The following FGF9 variants were observed in gnomAD, a reference collection of about 807,000 sequenced individuals.
The protein encoded by FGF9 is fibroblast growth factor 9 (glia-activating factor).
In FGF9, 3 loss-of-function variants were observed where a neutral mutation model predicts 19.9. The observed-to-expected ratio is 0.15, with a 90% CI of 0.07 to 0.39. FGF9 has a LOEUF of 0.39. FGF9 is among the 10% of genes least tolerant of loss of function. FGF9 has a pLI of 1.00. For missense variants in FGF9, 175 were observed against 256.8 expected (o/e 0.68, Z 2.18); for synonymous variants, 107 against 106.9 (o/e 1.00, Z -0.01).
intron 1 of FGF9, among the ~76,000 whole-genome samples, chr13:21,677,628 C>T (rs915611978): frequency 2.0e-5 from 3 of 152,226 alleles, no homozygotes; most frequent in Admixed American, 6.5e-5. Context: ...GATCCTGTTG[C>T]GGGGTTGCTA....
intron 2 of FGF9, among the ~76,000 whole-genome samples, chr13:21,684,219 T>C (rs1362985349): frequency 4.6e-5 from 7 of 152,242 alleles, no homozygotes; most frequent in Non-Finnish European, 1.5e-5. Flanking sequence ...TGTTTTCCTT[T>C]GGGCCCTAGG....
At chr13:21,699,764 A>G (rs1198697285) in intron 2 of FGF9, among the ~76,000 whole-genome samples, 3 of 152,216 alleles carry the variant, frequency 2.0e-5, no homozygotes, top group African/African-American at 7.2e-5. Context: ...AATGACAGAA[A>G]CGAATGTCCT....
At position 21,702,308 on chromosome 13, in the gene FGF9, A is replaced by T. The variant is rs1044968716; in HGVS notation, c.*873A>T. On this transcript the variant is annotated 3_prime_UTR_variant, in exon 3 of 3. Coordinates refer to ENST00000382353, the MANE Select transcript of FGF9 (RefSeq NM_002010.3). Reference sequence around the variant, plus strand: ...TGTAAACTTATGCACATCGCTCATGACACTGAGTATTCACTCTTCAGACTG... The same window carrying T: ...TGTAAACTTATGCACATCGCTCATGTCACTGAGTATTCACTCTTCAGACTG... 2 of 152,220 alleles carry T rather than the reference A, an allele frequency of 1.3e-5. No individual in the cohort carries two copies. The highest frequency in any genetic ancestry group is 4.8e-5 in the African/African-American group (2 of 41,464). The allele number at this position is 152,220 out of a possible 1,614,324, so 9.4% of individuals were successfully genotyped here.
intron 2 of FGF9, among the ~76,000 whole-genome samples, chr13:21,699,164 G>T (rs972144610): frequency 6.6e-6 from 1 of 152,190 alleles, no homozygotes; most frequent in African/African-American, 2.4e-5. Flanking sequence ...GCAGAGGAGG[G>T]TGCAGGAGTG....
In FGF9 at chr13:21,672,438, G is replaced by A. The variant is rs1233898855; in HGVS notation, c.277+249G>A. Reference sequence around the variant, plus strand: ...CCCCCTACTTTTAATTTAAAGGGGGGCATAATTTATAAATATAATACAAGT... The same window carrying A: ...CCCCCTACTTTTAATTTAAAGGGGGACATAATTTATAAATATAATACAAGT... On this transcript the variant is annotated intron_variant, in intron 1 of 2. Coordinates refer to ENST00000382353, the MANE Select transcript of FGF9 (RefSeq NM_002010.3). This position sits in a 1 kb window ranked among gnomAD's most constrained non-coding sequence, Gnocchi z 4.2. 6.6e-6 allele frequency among the ~76,000 whole-genome samples: 1 copy of A among 152,152 alleles called. No individual in the cohort carries two copies. Among genetic ancestry groups the A allele is most frequent in the Admixed American group, 6.6e-5 (1 of 15,264 alleles).
At chr13:21,699,823 A>T (rs375828429) in intron 2 of FGF9, among the ~76,000 whole-genome samples, 5 of 152,316 alleles carry the variant, frequency 3.3e-5, no homozygotes, top group Admixed American at 1.3e-4. Flanking sequence ...CAGGTAGGTA[A>T]GAGAAAAGAA....
rs1432535706 is a variant in FGF9, at chr13:21,671,872, CATT to C, written c.-37_-35del. The C allele has an allele frequency of 6.2e-6, 10 of 1,612,656 alleles. No individual in the cohort carries two copies. The highest frequency in any genetic ancestry group is 8.5e-6 in the Non-Finnish European group (10 of 1,178,956). ...CTAATATCTCCTGGGTTGACACCAT[CATT>C]ATTGTTTATTCTTGTGCTCCAAAAG... On this transcript the variant is annotated 5_prime_UTR_variant, in exon 1 of 3. Transcript: ENST00000382353.
chr13:21,689,664 C>T (rs1171145908), intron 2 of FGF9, among the ~76,000 whole-genome samples: 3 of 152,212 alleles, frequency 2.0e-5, no homozygotes, highest in Non-Finnish European at 4.4e-5. Flanking sequence ...TGCATTATGA[C>T]AGCAATTCCT....
intron 1 of FGF9, among the ~76,000 whole-genome samples, chr13:21,679,956 CAAA>C (rs551705351): frequency 8.8e-5 from 5 of 56,730 alleles, no homozygotes; most frequent in African/African-American, 6.2e-5. Flanking sequence ...GACTCCATCT[CAAA>C]AAAAAAAAAA....
chr13:21,687,229 T>C (rs1872182666), intron 2 of FGF9, among the ~76,000 whole-genome samples: 1 of 152,150 alleles, frequency 6.6e-6, no homozygotes, highest in South Asian at 2.1e-4. Context: ...TGCATGGTGT[T>C]CCATATTGTG....
chr13:21,698,627 T>A (rs966216961), intron 2 of FGF9, among the ~76,000 whole-genome samples: 2 of 152,152 alleles, frequency 1.3e-5, no homozygotes, highest in Non-Finnish European at 2.9e-5. Flanking sequence ...CTGCTGGGAC[T>A]TTTGTGTATC....
intron 1 of FGF9, among the ~76,000 whole-genome samples, chr13:21,679,409 A>C (rs1257587663): frequency 6.6e-6 from 1 of 152,202 alleles, no homozygotes; most frequent in Admixed American, 6.5e-5. Flanking sequence ...AGAGTTGCAG[A>C]ATTAATTGTT....
chr13:21,682,104 G>T (rs1447630598), intron 2 of FGF9, among the ~76,000 whole-genome samples: 2 of 151,630 alleles, frequency 1.3e-5, no homozygotes, highest in African/African-American at 4.8e-5. Context: ...GAACTCATGG[G>T]CTCAGAAGAT....
At position 21,672,655 on chromosome 13, in the gene FGF9, G is replaced by A. The variant is rs1565947453; in HGVS notation, c.277+466G>A. Among the ~76,000 whole-genome samples the A allele has an allele frequency of 6.6e-6, 1 of 152,054 alleles. No homozygotes were observed. Among genetic ancestry groups the A allele is most frequent in the Non-Finnish European group, 1.5e-5 (1 of 68,022 alleles). On this transcript the variant is annotated intron_variant, in intron 1 of 2. Coordinates refer to ENST00000382353, the MANE Select transcript of FGF9 (RefSeq NM_002010.3). The surrounding 1 kb of genome is among the most constrained non-coding windows in gnomAD (Gnocchi z 4.2). ...CTCTAGTAAGTATACTACTTGAATTGTATATTAAGTGCATTGTTTATTCTC... is the reference window on the plus strand; with the variant it reads ...CTCTAGTAAGTATACTACTTGAATTATATATTAAGTGCATTGTTTATTCTC...
intron 1 of FGF9, among the ~76,000 whole-genome samples, chr13:21,676,597 T>C (rs893067610): frequency 6.6e-6 from 1 of 152,212 alleles, no homozygotes; most frequent in African/African-American, 2.4e-5. Context: ...GGATCTGAGA[T>C]GGTTGATCTG....
chr13:21,681,804 C>T (rs751089731), intron 2 of FGF9, among the ~76,000 whole-genome samples: 3 of 152,194 alleles, frequency 2.0e-5, no homozygotes, highest in African/African-American at 4.8e-5. Flanking sequence ...CTCTTCCACT[C>T]TGTGGCGGGG....
At chr13:21,679,888 C>T (rs890395118) in intron 1 of FGF9, among the ~76,000 whole-genome samples, 2 of 145,818 alleles carry the variant, frequency 1.4e-5, no homozygotes, top group Non-Finnish European at 3.0e-5. Context: ...ATCCGGGAGG[C>T]GGAGCTTGCA....
chr13:21,699,709 GT>G (rs1158762371), intron 2 of FGF9, among the ~76,000 whole-genome samples: 1 of 152,174 alleles, frequency 6.6e-6, no homozygotes, highest in Non-Finnish European at 1.5e-5. Flanking sequence ...AGAACTGTCT[GT>G]ATTTTGGTGA....
At chr13:21,695,215 T>C (rs933990852) in intron 2 of FGF9, among the ~76,000 whole-genome samples, 1 of 152,106 alleles carries the variant, frequency 6.6e-6, no homozygotes, top group Non-Finnish European at 1.5e-5. Context: ...CCTTTTCGTT[T>C]TTTGTTTTAG....
Sources: allele counts gnomAD v4.1 joint callset (sites outside exome capture counted in the v4.1 genomes callset), GRCh38; gene constraint gnomAD v4.1.1; non-coding constraint Gnocchi (gnomAD v3.1); transcripts MANE v1.5; gene names NCBI Gene and HGNC (gene_info 2026-07-23, HGNC 2026-07-21).